Variants in SLC35F4 observed in about 807,000 individuals in gnomAD.
The protein encoded by SLC35F4 is solute carrier family 35 member F4, also known as chromosome 14 open reading frame 36.
In SLC35F4, 24 loss-of-function variants were observed where a neutral mutation model predicts 44.2. The ratio of observed to expected loss-of-function variants is 0.54; its 90% confidence interval spans 0.39 to 0.76. The LOEUF is 0.76. Among genes scored for constraint, SLC35F4 ranks in the 30% least tolerant of loss-of-function variants. The pLI, the probability that SLC35F4 is intolerant of heterozygous loss-of-function variation, is 0.00. For synonymous variants in SLC35F4, 238 were observed against 223.6 expected (o/e 1.06, Z -0.57); for missense variants, 562 against 586.1 (o/e 0.96, Z 0.42).
intron 1 of SLC35F4, among the ~76,000 whole-genome samples, chr14:57,618,290 G>C (rs1615671): frequency 0.61 from 92,874 of 152,112 alleles, 30,606 homozygotes; most frequent in Non-Finnish European, 0.74. Context: ...CTCCCAGCAA[G>C]ACTGACGCAG....
chr14:57,832,656 TAAC>T (rs1566890007), intron 1 of SLC35F4, among the ~76,000 whole-genome samples: 1 of 152,216 alleles, frequency 6.6e-6, no homozygotes, highest in Non-Finnish European at 1.5e-5. Context: ...CAGAGAATGA[TAAC>T]TAAAGTCCTG....
intron 1 of SLC35F4, among the ~76,000 whole-genome samples, chr14:57,945,749 AG>A (rs1319953859): frequency 3.3e-5 from 5 of 152,074 alleles, no homozygotes; most frequent in Non-Finnish European, 7.4e-5. Context: ...ACAGTGTAAA[AG>A]TGTTCTCTTT....
chr14:57,892,576 T>G (rs1389789445), intron 1 of SLC35F4, among the ~76,000 whole-genome samples: 3 of 152,222 alleles, frequency 2.0e-5, no homozygotes, highest in Non-Finnish European at 2.9e-5. Context: ...ATAGGAACAA[T>G]TCATTTAACG....
At chr14:57,858,949 A>AAATT (rs1566910294) in intron 1 of SLC35F4, among the ~76,000 whole-genome samples, 4 of 150,948 alleles carry the variant, frequency 2.6e-5, no homozygotes, top group African/African-American at 7.4e-5. Flanking sequence ...AAAAAAAAAA[A>AAATT]AATTAATTAA....
chr14:57,755,565 T>C (rs2076976253), intron 1 of SLC35F4, among the ~76,000 whole-genome samples: 1 of 152,178 alleles, frequency 6.6e-6, no homozygotes. Context: ...CTCATAACAC[T>C]GCTATATTTT....
At chr14:57,609,935 C>T (rs1178042959) in intron 1 of SLC35F4, among the ~76,000 whole-genome samples, 1 of 152,150 alleles carries the variant, frequency 6.6e-6, no homozygotes, top group Admixed American at 6.5e-5. Flanking sequence ...CCACATGCTC[C>T]CAGCCTCCAG....
intron 2 of SLC35F4, among the ~76,000 whole-genome samples, chr14:57,591,206 T>G (rs2070155806): frequency 6.6e-6 from 1 of 152,190 alleles, no homozygotes; most frequent in Non-Finnish European, 1.5e-5. Flanking sequence ...CAGCCCATGG[T>G]CTAGTGGAAA....
intron 1 of SLC35F4, chr14:57,602,440 T>G (rs1431171561): frequency 6.6e-6 from 1 of 152,202 alleles, no homozygotes; most frequent in Non-Finnish European, 1.5e-5. Context: ...TGGAAGTTGT[T>G]AATCCAAAAT....
chr14:57,575,968 C>T (rs1446501142), intron 4 of SLC35F4, among the ~76,000 whole-genome samples: 1 of 151,614 alleles, frequency 6.6e-6, no homozygotes, highest in Admixed American at 6.6e-5. Context: ...GGCTTTTGGC[C>T]GTTTTTGTTT....
At chr14:57,721,464 A>C (rs2076084049) in intron 1 of SLC35F4, among the ~76,000 whole-genome samples, 1 of 152,182 alleles carries the variant, frequency 6.6e-6, no homozygotes, top group Non-Finnish European at 1.5e-5. Context: ...CCATCTTCAG[A>C]AACAGATACT....
Position 57,564,385 on chromosome 14 carries a change from G to GA in SLC35F4, c.1217-10dup, listed in dbSNP as rs781077587. 6.3e-7 allele frequency: 1 copy of GA among 1,596,530 alleles called. No individual in the cohort carries two copies. Among genetic ancestry groups the GA allele is most frequent in the African/African-American group, 1.3e-5 (1 of 74,806 alleles). Reference sequence around the variant, plus strand: ...CTTTAGGAGATCCACAGCTAGGAAAGAAAAATCAAGTCAGTCATTTCCTAT... The same window carrying GA: ...CTTTAGGAGATCCACAGCTAGGAAAGAAAAAATCAAGTCAGTCATTTCCTAT... On this transcript the variant is annotated splice_polypyrimidine_tract_variant and intron_variant, in intron 7 of 7. Transcript: ENST00000556826.
At chr14:57,945,986 G>A (rs183323629) in intron 1 of SLC35F4, among the ~76,000 whole-genome samples, 10 of 151,946 alleles carry the variant, frequency 6.6e-5, no homozygotes, top group African/African-American at 2.2e-4. Context: ...TTTCTTTCTC[G>A]ATGATTTGTT....
chr14:57,957,966 T>C (rs970991203), intron 1 of SLC35F4, among the ~76,000 whole-genome samples: 1 of 152,188 alleles, frequency 6.6e-6, no homozygotes, highest in African/African-American at 2.4e-5. Context: ...TGTGACTTTA[T>C]AGAAAATAAC....
intron 1 of SLC35F4, among the ~76,000 whole-genome samples, chr14:57,656,105 C>T (rs533083389): frequency 5.2e-4 from 79 of 152,130 alleles, no homozygotes; most frequent in African/African-American, 1.9e-3. Flanking sequence ...AGACTGCCCT[C>T]GGCTCTGCTC....
At chr14:57,949,486 C>T (rs768838023) in intron 1 of SLC35F4, among the ~76,000 whole-genome samples, 6 of 152,042 alleles carry the variant, frequency 3.9e-5, no homozygotes, top group African/African-American at 1.2e-4. Context: ...TCCATTCTGC[C>T]ATTCTGTATC....
At chr14:57,771,078 ACTG>A (rs2077352528) in intron 1 of SLC35F4, among the ~76,000 whole-genome samples, 1 of 152,152 alleles carries the variant, frequency 6.6e-6, no homozygotes. Context: ...TCAGGGCCTG[ACTG>A]CTTTTTTAGC....
intron 1 of SLC35F4, among the ~76,000 whole-genome samples, chr14:57,725,738 G>A (rs530643993): frequency 1.3e-5 from 2 of 152,300 alleles, no homozygotes; most frequent in East Asian, 3.9e-4. Flanking sequence ...ATACTTTGCA[G>A]GGCTGGGGCA....
At chr14:57,699,405 C>G (rs1010361071) in intron 1 of SLC35F4, among the ~76,000 whole-genome samples, 1 of 152,120 alleles carries the variant, frequency 6.6e-6, no homozygotes, top group African/African-American at 2.4e-5. Flanking sequence ...ACGTGAATAG[C>G]AAATGTTCAA....
At position 57,881,907 on chromosome 14, in the gene SLC35F4, C is replaced by T. The variant is rs532583299; in HGVS notation, n.282+100006G>A. Reference sequence around the variant, plus strand: ...TTGCTCATCTTCCTTATTTCCACGCCTCTTTTCCAGTTTCTAAGACAGCAT... The same window carrying T: ...TTGCTCATCTTCCTTATTTCCACGCTTCTTTTCCAGTTTCTAAGACAGCAT... On this transcript the variant is annotated intron_variant and non_coding_transcript_variant, in intron 1 of 1. Transcript: ENST00000556568. Among the ~76,000 whole-genome samples, 8 of 152,258 alleles carry T rather than the reference C, an allele frequency of 5.3e-5. No homozygotes were observed. In the East Asian group the frequency reaches 1.2e-3, roughly 22 times the overall value.
Sources: gnomAD v4.1 joint callset for allele counts (sites outside exome capture counted in the v4.1 genomes callset) on GRCh38, gnomAD v4.1.1 for gene constraint, MANE v1.5 for transcripts, NCBI Gene and HGNC (gene_info 2026-07-23, HGNC 2026-07-21) for gene names.